Variants in KIAA1755 observed in about 807,000 individuals in gnomAD.
The protein encoded by KIAA1755 is uncharacterized protein KIAA1755.
A neutral mutation model predicts 91.7 loss-of-function variants in KIAA1755; 68 were observed. The ratio of observed to expected loss-of-function variants is 0.74; its 90% CI spans 0.61 to 0.91. The LOEUF (loss-of-function observed/expected upper bound fraction) is 0.91, where lower values mean the gene tolerates loss of function less well. Among genes scored for constraint, KIAA1755 ranks in the 40% least tolerant of loss-of-function variants. The probability of loss-of-function intolerance (pLI) is 0.00; values close to 1 mark genes in which losing one functional copy is unlikely to be tolerated. For missense variants in KIAA1755, 1,535 were observed against 1,494.4 expected (o/e 1.03, Z -0.45); for synonymous variants, 610 against 604.6 (o/e 1.01, Z -0.13).
intron 5 of KIAA1755, 33 bp from the exon 6 acceptor site, chr20:38,228,273 T>C: frequency 6.5e-7 from 1 of 1,549,650 alleles, no homozygotes; most frequent in Non-Finnish European, 8.7e-7. Flanking sequence ...ACAGTCTTGC[T>C]GGATGGCCTC....
At chr20:38,247,334 C>T (rs1010518043) in intron 1 of KIAA1755, among the ~76,000 whole-genome samples, 4 of 152,106 alleles carry the variant, frequency 2.6e-5, no homozygotes, top group Admixed American at 6.5e-5. Context: ...CTCCATGCTT[C>T]GGCCACAGTG....
At position 38,218,366 on chromosome 20, in the gene KIAA1755, C is replaced by T; in HGVS notation, c.2557G>A (p.Val853Ile). The change falls in exon 12 of 14, where the codon GTC (valine) becomes ATC (isoleucine). Residue 853 changes from valine to isoleucine, a missense_variant and splice_region_variant. Physicochemically the swap from Val to Ile is conservative, Grantham distance 29. Coordinates refer to ENST00000279024, the MANE Select transcript of KIAA1755 (RefSeq NM_001029864.2). Reference protein sequence around the residue: ...LGRLEAAIHQVSDWMEQEGRR... With the variant: ...LGRLEAAIHQISDWMEQEGRR... ...CCTTCCTGCTCCATCCAGTCGCTGA[C>T]CTGGGGCAGGAGAGGCAGATTTGGA... is the stretch of plus-strand genomic sequence containing the variant. The T allele has an allele frequency of 2.5e-6, 4 of 1,614,076 alleles. No individual in the cohort carries two copies. The highest frequency in any genetic ancestry group is 2.2e-5 in the South Asian group (2 of 91,074).
chr20:38,258,089 C>T (rs754923735), intron 1 of KIAA1755, among the ~76,000 whole-genome samples: 4 of 151,922 alleles, frequency 2.6e-5, no homozygotes, highest in African/African-American at 4.8e-5. Flanking sequence ...TCAGTAGAGA[C>T]GGGGTTTCAC....
At chr20:38,216,771 G>A (rs2075549892) in intron 13 of KIAA1755, 1 of 458,184 alleles carries the variant, frequency 2.2e-6, no homozygotes, top group South Asian at 1.6e-5. Context: ...ATGAAGTCAA[G>A]TAAGGTGTGT....
chr20:38,228,552 T>G (rs2075801755), intron 5 of KIAA1755, among the ~76,000 whole-genome samples: 1 of 152,156 alleles, frequency 6.6e-6, no homozygotes, highest in South Asian at 2.1e-4. Context: ...CACTTTTTTG[T>G]GTAGGCAGAA....
intron 1 of KIAA1755, among the ~76,000 whole-genome samples, chr20:38,249,811 C>A (rs1220097046): frequency 6.6e-6 from 1 of 152,034 alleles, no homozygotes; most frequent in East Asian, 1.9e-4. Flanking sequence ...CCAACCCCCA[C>A]CAATCATGGT....
At chr20:38,223,438 G>A (rs1397000610) in intron 9 of KIAA1755, 100 bp downstream of exon 9, 1 of 748,436 alleles carries the variant, frequency 1.3e-6, no homozygotes, top group East Asian at 3.3e-5. Context: ...CAGGAATAAT[G>A]TCCTCCCCCT....
At chr20:38,254,818 G>T (rs1490417172) in intron 1 of KIAA1755, among the ~76,000 whole-genome samples, 1 of 151,964 alleles carries the variant, frequency 6.6e-6, no homozygotes, top group African/African-American at 2.4e-5. Flanking sequence ...TTTCAGGAAG[G>T]TTTGGAGCTG....
At chr20:38,232,844 G>A (rs527732528) in intron 4 of KIAA1755, among the ~76,000 whole-genome samples, 67 of 151,710 alleles carry the variant, frequency 4.4e-4, no homozygotes, top group African/African-American at 1.6e-3. Flanking sequence ...GGGGCCGGGT[G>A]CAGTGGCTCA....
At chr20:38,256,934 C>T (rs1158837340) in intron 1 of KIAA1755, among the ~76,000 whole-genome samples, 1 of 152,196 alleles carries the variant, frequency 6.6e-6, no homozygotes, top group East Asian at 1.9e-4. Flanking sequence ...ATCTCCCCTC[C>T]TGGAACCTTT....
At chr20:38,250,266 G>A (rs758667014) in intron 1 of KIAA1755, among the ~76,000 whole-genome samples, 15 of 152,148 alleles carry the variant, frequency 9.9e-5, no homozygotes, top group Admixed American at 6.5e-5. Context: ...CTTACTGGTT[G>A]TGTGTACCTG....
chr20:38,240,425 A>AT (rs763202599), intron 3 of KIAA1755, among the ~76,000 whole-genome samples, 157 bp downstream of exon 3: 75 of 152,318 alleles, frequency 4.9e-4, no homozygotes, highest in Middle Eastern at 6.8e-3. Flanking sequence ...TTCCAGACAC[A>AT]TGAGACTTCA....
intron 7 of KIAA1755, among the ~76,000 whole-genome samples, chr20:38,226,951 ACT>A (rs2075767147): frequency 6.6e-6 from 1 of 152,028 alleles, no homozygotes; most frequent in South Asian, 2.1e-4. Flanking sequence ...GAGAGATATC[ACT>A]CTGTGACTGA....
chr20:38,228,897 A>C (rs574809992), intron 5 of KIAA1755, among the ~76,000 whole-genome samples: 7 of 152,200 alleles, frequency 4.6e-5, no homozygotes, highest in Admixed American at 2.0e-4. Flanking sequence ...GTTCAGCCAC[A>C]TTGCACTGAG....
Position 38,217,410 on chromosome 20 carries a change from C to G in KIAA1755, c.2744G>C (p.Gly915Ala), listed in dbSNP as rs750677151. The change falls in exon 13 of 14, where the codon GGG becomes GCG. Residue 915 changes from glycine to alanine, a missense_variant. Gly to Ala is a moderately conservative substitution (Grantham distance 60). Coordinates refer to ENST00000279024, the MANE Select transcript of KIAA1755 (RefSeq NM_001029864.2). ...CTCTGCACGTTCTGCCTCCCCAGCC[C>G]CTCTGGCTGTAGCTCCCAGCTGAGC... Reference protein sequence around the residue: ...QAAQLGATARGAGEAERAEFP... With the variant: ...QAAQLGATARAAGEAERAEFP... The G allele has an allele frequency of 5.0e-6, 8 of 1,613,224 alleles. No individual in the cohort carries two copies. Among genetic ancestry groups the G allele is most frequent in the African/African-American group, 1.3e-5 (1 of 75,030 alleles).
chr20:38,241,722 G>A lies in KIAA1755; in HGVS notation c.409C>T (p.Pro137Ser). 1 of 1,614,236 alleles carries A rather than the reference G, an allele frequency of 6.2e-7. No homozygotes were observed. Among genetic ancestry groups the A allele is most frequent in the Non-Finnish European group, 8.5e-7 (1 of 1,180,044 alleles). ...DLCTVDKKPV[P>S]EPAYPILFTQ... ...AAAAGTATAGGGTAGGCTGGCTCTG[G>A]AACAGGCTTCTTGTCCACTGTGCAG... The change falls in exon 3 of 14, where the codon CCA (proline) becomes TCA (serine). Residue 137 changes from proline to serine, a missense_variant. By Grantham distance (74) the Pro-to-Ser change is moderately conservative. Transcript: ENST00000279024.
intron 4 of KIAA1755, among the ~76,000 whole-genome samples, chr20:38,238,566 G>A (rs553936142): frequency 6.6e-6 from 1 of 152,244 alleles, no homozygotes; most frequent in African/African-American, 2.4e-5. Context: ...CCCTAAGCCT[G>A]AACCAGGGGA....
Position 38,239,604 on chromosome 20 carries a change from C to A in KIAA1755, c.1671G>T (p.Glu557Asp), listed in dbSNP as rs781150904. The change falls in exon 4 of 14, where the codon GAG becomes GAT. Residue 557 changes from glutamate to aspartate, a missense_variant. Physicochemically the swap from Glu to Asp is conservative, Grantham distance 45. Transcript: ENST00000279024. ...TCCTGGGCTCAGGCCCTGGGGGCTC[C>A]TCCTCCAGGGTGGGGCCTCTTTCTG... ...GSPERGPTLEEEPPGPEPRIG... is the reference protein window; with the variant it reads ...GSPERGPTLEDEPPGPEPRIG... The A allele has an allele frequency of 5.0e-6, 8 of 1,606,966 alleles. No homozygotes were observed. Among genetic ancestry groups the A allele is most frequent in the Non-Finnish European group, 6.8e-6 (8 of 1,177,672 alleles).
intron 4 of KIAA1755, among the ~76,000 whole-genome samples, chr20:38,239,311 GGACA>G (rs1410459417): frequency 1.3e-5 from 2 of 152,252 alleles, no homozygotes. Context: ...GTAGACAGAT[GGACA>G]GACAGATAGA....
Sources: allele counts gnomAD v4.1 joint callset (sites outside exome capture counted in the v4.1 genomes callset), GRCh38; gene constraint gnomAD v4.1.1; transcripts MANE v1.5; gene names NCBI Gene and HGNC (gene_info 2026-07-23, HGNC 2026-07-21).